Variants in ALOX5 observed in about 807,000 individuals in gnomAD.
The protein encoded by ALOX5 is arachidonate 5-lipoxygenase.
In ALOX5, 64 loss-of-function variants were observed where a neutral mutation model predicts 87.9. The ratio of observed to expected loss-of-function variants is 0.73; its 90% CI spans 0.60 to 0.90. The LOEUF (loss-of-function observed/expected upper bound fraction) is 0.90, where lower values mean the gene tolerates loss of function less well. Ranked by LOEUF, ALOX5 falls within the 40% of genes least tolerant of loss-of-function variation. ALOX5 has a pLI of 0.00. For synonymous variants in ALOX5, 388 were observed against 355.1 expected (o/e 1.09, Z -1.04); for missense variants, 822 against 907.5 (o/e 0.91, Z 1.21).
chr10:45,394,012 T>C (rs1840401735), intron 2 of ALOX5, among the ~76,000 whole-genome samples: 1 of 152,154 alleles, frequency 6.6e-6, no homozygotes, highest in Non-Finnish European at 1.5e-5. Context: ...ATGAATATCA[T>C]AAAAATGGCC....
intron 1 of ALOX5, among the ~76,000 whole-genome samples, chr10:45,374,824 C>T (rs1839537656): frequency 1.3e-5 from 2 of 152,204 alleles, no homozygotes; most frequent in African/African-American, 4.8e-5. Context: ...CCTTAGGCTC[C>T]TTCTGCAGGT....
At chr10:45,412,876 G>A (rs1430761870) in intron 4 of ALOX5, among the ~76,000 whole-genome samples, 11 of 152,172 alleles carry the variant, frequency 7.2e-5, no homozygotes, top group Admixed American at 5.2e-4. Flanking sequence ...TGTTTCATCC[G>A]AATGTCCGCA....
chr10:45,374,411 C>G lies in ALOX5; in HGVS notation c.132C>G (p.Asn44Lys). 2 of 1,559,408 alleles carry G rather than the reference C, an allele frequency of 1.3e-6. No individual in the cohort carries two copies. Among genetic ancestry groups the G allele is most frequent in the Non-Finnish European group, 1.7e-6 (2 of 1,158,642 alleles). Reference protein sequence around the residue: ...EKHLLDKPFYNDFERGAVDSY... With the variant: ...EKHLLDKPFYKDFERGAVDSY... ...ACCTGCTGGACAAGCCCTTCTACAACGACTTCGAGCGTGGCGCGGTGAGCG... is the reference window on the plus strand; with the variant it reads ...ACCTGCTGGACAAGCCCTTCTACAAGGACTTCGAGCGTGGCGCGGTGAGCG... The change falls in exon 1 of 14, where the codon AAC becomes AAG. Residue 44 changes from asparagine (N) to lysine (K), a missense_variant. Transcript: ENST00000374391.
At chr10:45,436,201 TTGTC>T (rs1485898115) in intron 7 of ALOX5, among the ~76,000 whole-genome samples, 2 of 152,210 alleles carry the variant, frequency 1.3e-5, no homozygotes, top group Admixed American at 6.5e-5. Flanking sequence ...ATTCTGTAGG[TTGTC>T]TGTTTACTTT....
At chr10:45,423,640 T>A (rs1227350557) in intron 4 of ALOX5, among the ~76,000 whole-genome samples, 1 of 151,704 alleles carries the variant, frequency 6.6e-6, no homozygotes, top group Non-Finnish European at 1.5e-5. Flanking sequence ...AATACATGAG[T>A]TTTCAAGTCA....
rs865858137 is a variant in ALOX5 at position 45,431,288 on chromosome 10, A to G, written c.981+2524A>G. Among the ~76,000 whole-genome samples the G allele has an allele frequency of 4.8e-4, 73 of 152,186 alleles. 1 individual carries two copies. The highest frequency in any genetic ancestry group is 1.6e-3 in the African/African-American group (68 of 41,456). Reference sequence around the variant, plus strand: ...ATGCTGATATCACTGTTTTTATTCAACATTATTTTAGAGGTCATACCACAT... The same window carrying G: ...ATGCTGATATCACTGTTTTTATTCAGCATTATTTTAGAGGTCATACCACAT... On this transcript the variant is annotated intron_variant, in intron 7 of 13. Coordinates refer to ENST00000374391, the MANE Select transcript of ALOX5 (RefSeq NM_000698.5).
chr10:45,440,927 C>T (rs575483849), intron 8 of ALOX5, among the ~76,000 whole-genome samples: 11 of 152,306 alleles, frequency 7.2e-5, no homozygotes, highest in Admixed American at 5.2e-4. Context: ...TGCTGATGGC[C>T]GCCCCTGCCA....
At chr10:45,394,682 GA>G (rs1288741374) in intron 2 of ALOX5, among the ~76,000 whole-genome samples, 2 of 151,710 alleles carry the variant, frequency 1.3e-5, no homozygotes, top group Non-Finnish European at 1.5e-5. Context: ...TACAGAATGG[GA>G]AAAAAATTTT....
At chr10:45,402,233 C>A (rs1840727824) in intron 3 of ALOX5, among the ~76,000 whole-genome samples, 1 of 152,142 alleles carries the variant, frequency 6.6e-6, no homozygotes, top group Non-Finnish European at 1.5e-5. Flanking sequence ...CCTGTAGCTC[C>A]TTCTTCCCCT....
Position 45,441,432 on chromosome 10 carries a change from T to C in ALOX5, c.1272+2T>C. The C allele has an allele frequency of 1.2e-6, 2 of 1,613,072 alleles. No individual in the cohort carries two copies. The highest frequency in any genetic ancestry group is 2.2e-5 in the East Asian group (1 of 44,822). On this transcript the variant is annotated splice_donor_variant, in intron 9 of 13. Coordinates refer to ENST00000374391, the MANE Select transcript of ALOX5 (RefSeq NM_000698.5). LOFTEE classifies it high-confidence loss of function. ...TGCGAGTGTGGCCTCTTTGACAAGG[T>C]GGGTGCCCTCCTACCCTACTTGTTG...
chr10:45,433,206 G>A (rs761144680), intron 7 of ALOX5, among the ~76,000 whole-genome samples: 45 of 152,250 alleles, frequency 3.0e-4, no homozygotes, highest in Non-Finnish European at 5.3e-4. Flanking sequence ...TTGCAGCCTG[G>A]CAGTGTTCAC....
At chr10:45,397,250 T>A (rs970381557) in intron 3 of ALOX5, among the ~76,000 whole-genome samples, 5 of 152,130 alleles carry the variant, frequency 3.3e-5, no homozygotes, top group Non-Finnish European at 7.4e-5. Context: ...TGTGGTGGCA[T>A]GCGCCTGTAG....
intron 2 of ALOX5, among the ~76,000 whole-genome samples, chr10:45,384,757 C>T (rs1839954456): frequency 6.6e-6 from 1 of 152,058 alleles, no homozygotes; most frequent in Admixed American, 6.5e-5. Flanking sequence ...ACAGAGCCCA[C>T]CCAGACTCCG....
At chr10:45,400,829 C>T (rs180841236) in intron 3 of ALOX5, among the ~76,000 whole-genome samples, 144 of 152,128 alleles carry the variant, frequency 9.5e-4, no homozygotes, top group African/African-American at 3.2e-3. Context: ...TTAATGGGTT[C>T]GAGGTGTCCT....
chr10:45,396,284 A>G (rs1840501122), intron 3 of ALOX5, among the ~76,000 whole-genome samples: 1 of 152,262 alleles, frequency 6.6e-6, no homozygotes, highest in African/African-American at 2.4e-5. Context: ...ATACATGATC[A>G]GCAATAAAAT....
In ALOX5 at chr10:45,385,306, G is replaced by A. The variant is rs58838686; in HGVS notation, c.349+2625G>A. Among the ~76,000 whole-genome samples the A allele has an allele frequency of 3.4e-3, 516 of 152,212 alleles. 3 individuals carry two copies. The highest frequency in any genetic ancestry group is 0.012 in the African/African-American group (491 of 41,522). ...ACCTTGGGTGAACATGAATGTCAGA[G>A]GGCCATTACTGTGGCCCCACAGATC... is the stretch of plus-strand genomic sequence containing the variant. On this transcript the variant is annotated intron_variant, in intron 2 of 13. Coordinates refer to ENST00000374391, the MANE Select transcript of ALOX5 (RefSeq NM_000698.5).
intron 13 of ALOX5, 78 bp downstream of exon 13, chr10:45,444,364 C>T (rs543203831): frequency 6.6e-5 from 97 of 1,460,158 alleles, no homozygotes; most frequent in Middle Eastern, 5.0e-4. Context: ...CTTTGTGACT[C>T]GGGCCCCAAG....
chr10:45,432,224 G>C (rs897398567), intron 7 of ALOX5, among the ~76,000 whole-genome samples: 1 of 151,752 alleles, frequency 6.6e-6, no homozygotes, highest in Non-Finnish European at 1.5e-5. Flanking sequence ...ATTAGGTATG[G>C]TGGCGCATGC....
At chr10:45,422,366 C>T (rs1394763828) in intron 4 of ALOX5, among the ~76,000 whole-genome samples, 1 of 152,174 alleles carries the variant, frequency 6.6e-6, no homozygotes, top group African/African-American at 2.4e-5. Flanking sequence ...TGTGTGTCTA[C>T]AGCTCAGACC....
Sources: allele counts gnomAD v4.1 joint callset (sites outside exome capture counted in the v4.1 genomes callset), GRCh38; gene constraint gnomAD v4.1.1; transcripts MANE v1.5; gene names NCBI Gene and HGNC (gene_info 2026-07-23, HGNC 2026-07-21).